Variants in CFAP20DC observed in about 807,000 individuals in gnomAD.
CFAP20DC encodes CFAP20 domain containing, also known as protein CFAP20DC.
Under a neutral mutation model 101.7 loss-of-function variants are expected in CFAP20DC, and 84 were observed. The observed-to-expected ratio is 0.83, with a 90% CI of 0.69 to 0.99. The LOEUF (loss-of-function observed/expected upper bound fraction) is 0.99. CFAP20DC is among the 50% of genes least tolerant of loss of function. The probability of loss-of-function intolerance (pLI) is 0.00; values close to 1 mark genes in which losing one functional copy is unlikely to be tolerated. For synonymous variants in CFAP20DC, 359 were observed against 351.2 expected (o/e 1.02, Z -0.25); for missense variants, 1,007 against 970.3 (o/e 1.04, Z -0.50).
intron 14 of CFAP20DC, among the ~76,000 whole-genome samples, chr3:58,808,967 A>G (rs1250480727): frequency 6.6e-6 from 1 of 152,070 alleles, no homozygotes; most frequent in African/African-American, 2.4e-5. Context: ...AGAGACAAAG[A>G]AGGCCATTAC....
At chr3:58,828,733 C>T (rs930178506) in intron 14 of CFAP20DC, among the ~76,000 whole-genome samples, 15 of 151,730 alleles carry the variant, frequency 9.9e-5, no homozygotes, top group South Asian at 4.2e-4. Context: ...TCATTTGTAC[C>T]CCAGTCTTCA....
rs771443617 is a variant in CFAP20DC at position 59,006,463 on chromosome 3, C to T, written c.278+33094G>A. Among the ~76,000 whole-genome samples, 12 of 152,174 alleles carry T rather than the reference C, an allele frequency of 7.9e-5. No individual in the cohort carries two copies. Among genetic ancestry groups the T allele is most frequent in the East Asian group, 3.9e-4 (2 of 5,184 alleles). Reference sequence around the variant, plus strand: ...AAGCAGCATGCTGCTGCAAATTCTGCGAGACAGGCAAAAAACTGTGAGTTC... The same window carrying T: ...AAGCAGCATGCTGCTGCAAATTCTGTGAGACAGGCAAAAAACTGTGAGTTC... On this transcript the variant is annotated intron_variant, in intron 4 of 16. Transcript: ENST00000482387. The surrounding 1 kb of genome is among the most constrained non-coding windows in gnomAD (Gnocchi z 4.3).
At chr3:59,047,296 G>C (rs570787410) in intron 1 of CFAP20DC, 42 bp from the exon 2 acceptor site, 1 of 1,317,422 alleles carries the variant, frequency 7.6e-7, no homozygotes, top group East Asian at 2.5e-5. Context: ...ATGCTAACGA[G>C]GAAGTATTAT....
At position 59,014,065 on chromosome 3, in the gene CFAP20DC, G is replaced by T. The variant is rs994438853; in HGVS notation, c.278+25492C>A. Among the ~76,000 whole-genome samples, 1 of 152,110 alleles carries T rather than the reference G, an allele frequency of 6.6e-6. No homozygotes were observed. Among genetic ancestry groups the T allele is most frequent in the African/African-American group, 2.4e-5 (1 of 41,408 alleles). On this transcript the variant is annotated intron_variant, in intron 4 of 16. Coordinates refer to ENST00000482387, the MANE Select transcript of CFAP20DC (RefSeq NM_001394063.1). This position sits in a 1 kb window ranked among gnomAD's most constrained non-coding sequence, Gnocchi z 4.9. ...TACTGAAATTGCATAAAACAGATAGGACAGCTAATTTAAACAGTTGTTTGC... is the reference window on the plus strand; with the variant it reads ...TACTGAAATTGCATAAAACAGATAGTACAGCTAATTTAAACAGTTGTTTGC...
At chr3:58,840,995 A>G (rs886255249) in intron 13 of CFAP20DC, among the ~76,000 whole-genome samples, 3 of 152,238 alleles carry the variant, frequency 2.0e-5, no homozygotes, top group Non-Finnish European at 2.9e-5. Context: ...CTTTTCAGTC[A>G]TGGAGAATGA....
At chr3:58,875,316 T>A (rs2080651367) in intron 7 of CFAP20DC, among the ~76,000 whole-genome samples, 1 of 152,158 alleles carries the variant, frequency 6.6e-6, no homozygotes, top group South Asian at 2.1e-4. Context: ...TAGGAAGAAA[T>A]GACATTCACA....
intron 6 of CFAP20DC, among the ~76,000 whole-genome samples, chr3:58,891,791 G>A (rs1172003725): frequency 1.3e-5 from 2 of 152,096 alleles, no homozygotes; most frequent in African/African-American, 4.8e-5. Context: ...TTCTTTTGCT[G>A]TGCAGAAGCT....
At chr3:59,046,164 A>G in intron 3 of CFAP20DC, 65 bp downstream of exon 3, 1 of 1,111,216 alleles carries the variant, frequency 9.0e-7, no homozygotes, top group Non-Finnish European at 1.3e-6. Flanking sequence ...GTGCCTGTTT[A>G]TGAGACATAA....
chr3:58,871,612 G>A (rs1302186685), intron 7 of CFAP20DC, among the ~76,000 whole-genome samples: 37 of 148,742 alleles, frequency 2.5e-4, no homozygotes, highest in Admixed American at 2.4e-3. Context: ...CACTGCAACC[G>A]CCGCCTCCTG....
At position 58,849,326 on chromosome 3, in the gene CFAP20DC, C is replaced by T; in HGVS notation, c.1677G>A (p.Gly559=). The change falls in exon 13 of 17, where the codon GGG becomes GGA. Residue 559 remains glycine, a synonymous_variant. Transcript: ENST00000482387. ...LTQLTLESLL[G]KAAKRTSKEY... ...CCTTACTTGTCCGCTTTGCAGCCTT[C>T]CCCAGCAGGCTCTCTAATGTTAACT... 1 of 1,536,084 alleles carries T rather than the reference C, an allele frequency of 6.5e-7. No individual in the cohort carries two copies. Among genetic ancestry groups the T allele is most frequent in the Non-Finnish European group, 8.7e-7 (1 of 1,146,880 alleles).
At chr3:58,741,433 A>T (rs1445676074), downstream of CFAP20DC, among the ~76,000 whole-genome samples, 1 of 152,068 alleles carries the variant, frequency 6.6e-6, no homozygotes, top group Non-Finnish European at 1.5e-5. Context: ...GGGGGATTTC[A>T]AAGAGGTTAT....
intron 13 of CFAP20DC, among the ~76,000 whole-genome samples, chr3:58,847,583 T>G (rs1278029391): frequency 5.9e-5 from 9 of 152,108 alleles, no homozygotes; most frequent in Admixed American, 5.9e-4. Flanking sequence ...TGTAAACTAG[T>G]TCAACCGTTG....
chr3:58,818,529 CA>C (rs1306015927), intron 14 of CFAP20DC, among the ~76,000 whole-genome samples: 1 of 150,620 alleles, frequency 6.6e-6, no homozygotes, highest in Non-Finnish European at 1.5e-5. Flanking sequence ...CAACAAAGAT[CA>C]AAAGAGACAA....
At chr3:58,746,689 A>C (rs1320772285) in intron 16 of CFAP20DC, among the ~76,000 whole-genome samples, 1 of 152,158 alleles carries the variant, frequency 6.6e-6, no homozygotes, top group Non-Finnish European at 1.5e-5. Flanking sequence ...ATGGGGACTA[A>C]GATAGGTTTT....
intron 12 of CFAP20DC, among the ~76,000 whole-genome samples, chr3:58,858,436 C>G (rs772446907): frequency 6.6e-5 from 10 of 152,088 alleles, no homozygotes; most frequent in Non-Finnish European, 1.5e-4. Context: ...TAATTTCTGG[C>G]TACACAAAAT....
chr3:58,994,500 G>C (rs2093047834), intron 4 of CFAP20DC, among the ~76,000 whole-genome samples: 1 of 152,172 alleles, frequency 6.6e-6, no homozygotes, highest in African/African-American at 2.4e-5. Context: ...ACTTGCCCAA[G>C]GCACCAAGCA....
At chr3:58,803,504 T>TA (rs1458543352) in intron 15 of CFAP20DC, among the ~76,000 whole-genome samples, 1 of 152,214 alleles carries the variant, frequency 6.6e-6, no homozygotes, top group Non-Finnish European at 1.5e-5. Context: ...ATACAATAAA[T>TA]ACAGATCTTA....
At chr3:59,022,659 A>G (rs1427287199) in intron 4 of CFAP20DC, among the ~76,000 whole-genome samples, 1 of 152,102 alleles carries the variant, frequency 6.6e-6, no homozygotes, top group African/African-American at 2.4e-5. Flanking sequence ...CCAACCACCT[A>G]CTATACTGAG....
chr3:58,953,254 T>C (rs2090317619), intron 4 of CFAP20DC, among the ~76,000 whole-genome samples: 2 of 152,152 alleles, frequency 1.3e-5, no homozygotes, highest in Non-Finnish European at 2.9e-5. Flanking sequence ...CTATAGTGTA[T>C]CTTTCAACGT....
Sources: allele counts gnomAD v4.1 joint callset (sites outside exome capture counted in the v4.1 genomes callset), GRCh38; gene constraint gnomAD v4.1.1; non-coding constraint Gnocchi (gnomAD v3.1); transcripts MANE v1.5; gene names NCBI Gene and HGNC (gene_info 2026-07-23, HGNC 2026-07-21).